Variants in SEMA3D observed in about 807,000 individuals in gnomAD.
SEMA3D encodes the protein semaphorin-3D.
SEMA3D carries 84 observed loss-of-function variants against 100.1 expected under a neutral mutation model. The observed-to-expected ratio is 0.84, with a 90% CI of 0.70 to 1.01. SEMA3D has a LOEUF of 1.01. Ranked by LOEUF, SEMA3D falls within the 50% of genes least tolerant of loss-of-function variation. The pLI, the probability that SEMA3D is intolerant of heterozygous loss-of-function variation, is 0.00. For missense variants in SEMA3D, 875 were observed against 934.1 expected, an observed-to-expected ratio of 0.94 and a Z score of 0.82; for synonymous variants, 312 against 320.7, an observed-to-expected ratio of 0.97 and a Z score of 0.29.
At chr7:85,083,573 G>A (rs1190560461) in intron 4 of SEMA3D, among the ~76,000 whole-genome samples, 11 of 152,162 alleles carry the variant, frequency 7.2e-5, no homozygotes, top group Non-Finnish European at 1.5e-4. Flanking sequence ...GGCCGGGCGC[G>A]GTGGCTCACG....
At chr7:85,015,664 A>G (rs921399497) in intron 15 of SEMA3D, among the ~76,000 whole-genome samples, 6 of 151,820 alleles carry the variant, frequency 4.0e-5, no homozygotes, top group African/African-American at 1.4e-4. Context: ...TAACCATTTC[A>G]TTTGTTATTA....
chr7:85,190,042 C>T (rs1365927019), upstream of SEMA3D, among the ~76,000 whole-genome samples: 1 of 151,982 alleles, frequency 6.6e-6, no homozygotes, highest in African/African-American at 2.4e-5. Flanking sequence ...TACCTCTGAA[C>T]AGAAGACAGG....
At chr7:85,179,156 G>A (rs967473669) in intron 1 of SEMA3D, among the ~76,000 whole-genome samples, 1 of 152,208 alleles carries the variant, frequency 6.6e-6, no homozygotes, top group Non-Finnish European at 1.5e-5. Flanking sequence ...GAAATGTGGG[G>A]TGAGAGCCCT....
intron 4 of SEMA3D, among the ~76,000 whole-genome samples, chr7:85,090,507 G>A (rs1788353120): frequency 6.6e-6 from 1 of 152,118 alleles, no homozygotes; most frequent in Non-Finnish European, 1.5e-5. Context: ...TGCTTTCCAA[G>A]TATTTCTATT....
At chr7:85,037,582 A>G (rs1790736645) in intron 11 of SEMA3D, among the ~76,000 whole-genome samples, 1 of 152,160 alleles carries the variant, frequency 6.6e-6, no homozygotes, top group Non-Finnish European at 1.5e-5. Flanking sequence ...TAGTTGCTAA[A>G]TGATATATTT....
At chr7:85,091,168 AGG>A (rs1788382429) in intron 4 of SEMA3D, among the ~76,000 whole-genome samples, 1 of 122,482 alleles carries the variant, frequency 8.2e-6, no homozygotes, top group African/African-American at 4.5e-5. Flanking sequence ...GAAGGAAGGA[AGG>A]AAAGAAGGAA....
chr7:85,103,066 G>A (rs1788798314), intron 3 of SEMA3D, among the ~76,000 whole-genome samples: 2 of 152,044 alleles, frequency 1.3e-5, no homozygotes, highest in South Asian at 4.2e-4. Context: ...AATTTCTTAG[G>A]CTGACACACA....
intron 17 of SEMA3D, among the ~76,000 whole-genome samples, chr7:85,012,540 G>C (rs1210876496): frequency 2.0e-5 from 3 of 151,728 alleles, no homozygotes; most frequent in Non-Finnish European, 2.9e-5. Flanking sequence ...AGAAACAAAA[G>C]CTACAGTTTA....
At chr7:85,105,287 T>C (rs1176322294) in intron 3 of SEMA3D, among the ~76,000 whole-genome samples, 3 of 152,070 alleles carry the variant, frequency 2.0e-5, no homozygotes, top group Non-Finnish European at 4.4e-5. Flanking sequence ...TCAAAGCTTC[T>C]GCCCATAACT....
chr7:85,117,212 C>G (rs1475692282), intron 3 of SEMA3D, among the ~76,000 whole-genome samples: 2 of 152,066 alleles, frequency 1.3e-5, no homozygotes, highest in Non-Finnish European at 2.9e-5. Flanking sequence ...CTTGGAGAAA[C>G]CTGAGGATAC....
chr7:85,053,499 AT>A (rs1791225124), intron 9 of SEMA3D, among the ~76,000 whole-genome samples: 4 of 151,858 alleles, frequency 2.6e-5, no homozygotes, highest in Admixed American at 2.0e-4. Flanking sequence ...TTTTTTTGTT[AT>A]TGCTAAAGTT....
At chr7:85,082,289 T>C (rs1321460605) in intron 4 of SEMA3D, among the ~76,000 whole-genome samples, 2 of 152,186 alleles carry the variant, frequency 1.3e-5, no homozygotes, top group Non-Finnish European at 2.9e-5. Flanking sequence ...ATTACATAAG[T>C]CAAGGGCTCC....
At chr7:85,229,174 T>C in the SEMA3D span, among the ~76,000 whole-genome samples, 1 of 152,152 alleles carries the variant, frequency 6.6e-6, no homozygotes, top group Non-Finnish European at 1.5e-5. Context: ...TATGACACCA[T>C]ATTTTAGAAA....
chr7:85,069,513 A>T (rs1231498128), intron 6 of SEMA3D, among the ~76,000 whole-genome samples: 1 of 152,174 alleles, frequency 6.6e-6, no homozygotes, highest in South Asian at 2.1e-4. Context: ...AATATAAAAA[A>T]TAATGGATGA....
chr7:85,244,672 C>A, the SEMA3D span, among the ~76,000 whole-genome samples: 1 of 147,680 alleles, frequency 6.8e-6, no homozygotes. Flanking sequence ...CTAAATTATT[C>A]TTCTTCCAGG....
At chr7:85,155,860 C>T (rs948239870) in intron 1 of SEMA3D, among the ~76,000 whole-genome samples, 3 of 152,006 alleles carry the variant, frequency 2.0e-5, no homozygotes, top group Admixed American at 1.3e-4. Flanking sequence ...AATTAAATGC[C>T]GAGCTCTTGA....
chr7:85,229,847 A>G, the SEMA3D span, among the ~76,000 whole-genome samples: 1 of 152,066 alleles, frequency 6.6e-6, no homozygotes, highest in Non-Finnish European at 1.5e-5. Context: ...CCAGCCTTCT[A>G]CTTACTTTTC....
At chr7:85,000,602 C>A (rs536953360) in intron 18 of SEMA3D, among the ~76,000 whole-genome samples, 1 of 152,214 alleles carries the variant, frequency 6.6e-6, no homozygotes, top group South Asian at 2.1e-4. Flanking sequence ...TTTATACTGT[C>A]ATTTGTGGAA....
chr7:85,050,476 T>G (rs1354906479), intron 9 of SEMA3D: 1 of 285,438 alleles, frequency 3.5e-6, no homozygotes, highest in Non-Finnish European at 6.5e-6. Context: ...AAATAATTCA[T>G]TAGGAAATGT....
Sources: gnomAD v4.1 joint callset for allele counts (sites outside exome capture counted in the v4.1 genomes callset) on GRCh38, gnomAD v4.1.1 for gene constraint, MANE v1.5 for transcripts, NCBI Gene and HGNC (gene_info 2026-07-23, HGNC 2026-07-21) for gene names.